Variants in SMARCA4 observed in about 807,000 individuals in gnomAD.
SMARCA4 encodes SWI/SNF related BAF chromatin remodeling complex subunit ATPase 4.
A neutral mutation model predicts 193.9 loss-of-function variants in SMARCA4; 31 were observed. The observed-to-expected ratio is 0.16, with a 90% confidence interval of 0.12 to 0.22. The LOEUF (loss-of-function observed/expected upper bound fraction) is 0.22. Among genes scored for constraint, SMARCA4 ranks in the 10% least tolerant of loss-of-function variants. The pLI, the probability that SMARCA4 is intolerant of heterozygous loss-of-function variation, is 1.00. For synonymous variants in SMARCA4, 942 were observed against 933.1 expected (o/e 1.01, Z -0.17); for missense variants, 1,148 against 2,296.0 (o/e 0.50, Z 10.22).
chr19:10,988,047 C>T, intron 6 of SMARCA4, 123 bp downstream of exon 6: 2 of 957,398 alleles, frequency 2.1e-6, no homozygotes, highest in East Asian at 2.6e-5. Context: ...TGCCACTTGG[C>T]CTACACCTCC....
In SMARCA4 at chr19:11,034,437, C is replaced by T. The variant is rs1232266519; in HGVS notation, c.3951+237C>T. Among the ~76,000 whole-genome samples the T allele has an allele frequency of 6.6e-6, 1 of 152,140 alleles. No individual in the cohort carries two copies. The highest frequency in any genetic ancestry group is 1.9e-4 in the East Asian group (1 of 5,180). On this transcript the variant is annotated intron_variant, in intron 28 of 34. Transcript: ENST00000344626. The surrounding 1 kb of genome is among the most constrained non-coding windows in gnomAD (Gnocchi z 7.0). ...CTTCTGCATGTGACCCGAGACCTGC[C>T]CCACCAGCTCTGTTTTCTAACGGGC...
chr19:11,019,443 C>T lies in SMARCA4; in HGVS notation c.2506-148C>T, dbSNP rs1161108959. 9.1e-6 allele frequency: 6 copies of T among 658,306 alleles called. No homozygotes were observed. The highest frequency in any genetic ancestry group is 3.8e-4 in the Middle Eastern group (1 of 2,610). The allele number at this position is 658,306 out of a possible 1,614,324, so 40.8% of individuals were successfully genotyped here. A position where few individuals can be genotyped will look rare whatever the true frequency, so the allele number is the denominator to read the frequency against. ...GTGGTGAGGTCTGGGGACGCGCCAG[C>T]GGCCCTGCCAGCCCCTTTCCCCACT... On this transcript the variant is annotated intron_variant, in intron 17 of 34. Transcript: ENST00000344626. The surrounding 1 kb of genome is among the most constrained non-coding windows in gnomAD (Gnocchi z 6.1).
intron 11 of SMARCA4, 26 bp from the exon 12 acceptor site, chr19:11,003,003 G>T: frequency 6.2e-7 from 1 of 1,613,824 alleles, no homozygotes; most frequent in African/African-American, 1.3e-5. Context: ...TGCAACCTCA[G>T]TGTCACACGA....
In SMARCA4 at chr19:11,019,296, A is replaced by G; in HGVS notation, c.2505+273A>G. On this transcript the variant is annotated intron_variant, in intron 17 of 34. Transcript: ENST00000344626. This position sits in a 1 kb window ranked among gnomAD's most constrained non-coding sequence, Gnocchi z 6.1. ...CAGGCGCCTGAGATGGGGACCCAGG[A>G]AGAGGGGAGCCTGTCAGCCACCAGG... is the stretch of plus-strand genomic sequence containing the variant. 1.6e-6 allele frequency: 1 copy of G among 606,876 alleles called. No homozygotes were observed. The highest frequency in any genetic ancestry group is 2.9e-6 in the Non-Finnish European group (1 of 339,770). 37.6% of individuals were successfully genotyped at this position (606,876 alleles called of 1,614,324 possible).
At chr19:11,005,511 G>A (rs756089555) in intron 13 of SMARCA4, among the ~76,000 whole-genome samples, 48 of 152,124 alleles carry the variant, frequency 3.2e-4, no homozygotes, top group Non-Finnish European at 5.7e-4. Context: ...CCATTGTCGG[G>A]TTCTCCCTGG....
chr19:10,999,540 C>T (rs2087425173), intron 11 of SMARCA4, among the ~76,000 whole-genome samples: 2 of 151,974 alleles, frequency 1.3e-5, no homozygotes, highest in Non-Finnish European at 1.5e-5. Context: ...CACCTGTGGT[C>T]CCAGCTACTT....
chr19:10,986,157 C>A lies in SMARCA4; in HGVS notation c.356-32C>A, dbSNP rs11666942. ...TGTAAAAATCACAGACATATGCTGC[C>A]GAGTGACCAGTGGGCTGACCTTTCT... On this transcript the variant is annotated intron_variant, in intron 3 of 34. Transcript: ENST00000344626. This position sits in a 1 kb window ranked among gnomAD's most constrained non-coding sequence, Gnocchi z 6.7. 5 of 1,556,164 alleles carry A rather than the reference C, an allele frequency of 3.2e-6. No homozygotes were observed. Among genetic ancestry groups the A allele is most frequent in the Non-Finnish European group, 4.4e-6 (5 of 1,127,840 alleles).
In SMARCA4 at chr19:11,031,077, T is replaced by A; in HGVS notation, c.3546+184T>A. 6 of 655,622 alleles carry A rather than the reference T, an allele frequency of 9.2e-6. No individual in the cohort carries two copies. The highest frequency in any genetic ancestry group is 1.7e-5 in the Non-Finnish European group (6 of 363,278). 40.6% of individuals were successfully genotyped at this position (655,622 alleles called of 1,614,324 possible). A position where few individuals can be genotyped will look rare whatever the true frequency, so the allele number is the denominator to read the frequency against. On this transcript the variant is annotated intron_variant, in intron 25 of 34. Coordinates refer to ENST00000344626, the MANE Select transcript of SMARCA4 (RefSeq NM_003072.5). The surrounding 1 kb of genome is among the most constrained non-coding windows in gnomAD (Gnocchi z 4.3). ...GAGAAAAGAGGCGGGGTCCTCCTGT[T>A]TCCCAAAATACAAACAGCCTTTCCC...
chr19:11,008,966 T>TC, intron 14 of SMARCA4, among the ~76,000 whole-genome samples: 1 of 119,756 alleles, frequency 8.4e-6, no homozygotes, highest in South Asian at 3.2e-4. Flanking sequence ...AGAGGGAGAC[T>TC]CCATCTCAAA....
intron 19 of SMARCA4, 28 bp downstream of exon 19, chr19:11,021,995 G>A (rs1172543049): frequency 6.2e-7 from 1 of 1,611,354 alleles, no homozygotes; most frequent in Admixed American, 1.7e-5. Flanking sequence ...TGCCCATGCT[G>A]ACGGTTCCAG....
At chr19:11,006,242 C>A (rs1489004447) in intron 13 of SMARCA4, among the ~76,000 whole-genome samples, 1 of 152,196 alleles carries the variant, frequency 6.6e-6, no homozygotes, top group Non-Finnish European at 1.5e-5. Context: ...GAAATGCATT[C>A]TTGTCTATGT....
At position 11,025,403 on chromosome 19, in the gene SMARCA4, C is replaced by A. The variant is rs2146494910; in HGVS notation, c.3082-19C>A. ...AGGAGGGCAAGACCCCATTTGGGTC[C>A]CTCTCATCTGCCTTCCAGGGCAAAG... On this transcript the variant is annotated intron_variant, in intron 21 of 34. Coordinates refer to ENST00000344626, the MANE Select transcript of SMARCA4 (RefSeq NM_003072.5). 6.3e-7 allele frequency: 1 copy of A among 1,598,314 alleles called. No individual in the cohort carries two copies. Among genetic ancestry groups the A allele is most frequent in the Non-Finnish European group, 8.6e-7 (1 of 1,166,692 alleles).
At chr19:11,042,925 A>C (rs538498368) in intron 30 of SMARCA4, among the ~76,000 whole-genome samples, 2 of 152,326 alleles carry the variant, frequency 1.3e-5, no homozygotes, top group African/African-American at 4.8e-5. Flanking sequence ...CTGTGGACCA[A>C]GATTGCACCA....
chr19:11,058,454 A>G lies in SMARCA4; in HGVS notation c.4533+91A>G. 1.1e-6 allele frequency: 1 copy of G among 920,194 alleles called. No individual in the cohort carries two copies. Among genetic ancestry groups the G allele is most frequent in the Non-Finnish European group, 1.8e-6 (1 of 571,010 alleles). 57.0% of individuals were successfully genotyped at this position (920,194 alleles called of 1,614,324 possible). A position where few individuals can be genotyped will look rare whatever the true frequency, so the allele number is the denominator to read the frequency against. ...CATCTGAGAGCTGTGGTGTGTGGGC[A>G]GAATGACCAGAAACCACCTAGGCGG... On this transcript the variant is annotated intron_variant, in intron 31 of 34. Coordinates refer to ENST00000344626, the MANE Select transcript of SMARCA4 (RefSeq NM_003072.5). The surrounding 1 kb of genome is among the most constrained non-coding windows in gnomAD (Gnocchi z 5.8).
chr19:11,044,427 C>A (rs2075786552), intron 30 of SMARCA4, among the ~76,000 whole-genome samples: 1 of 152,116 alleles, frequency 6.6e-6, no homozygotes, highest in Non-Finnish European at 1.5e-5. Flanking sequence ...GTGAAAACTC[C>A]TCATAGATGA....
At chr19:10,964,900 C>T (rs910325248) in intron 1 of SMARCA4, among the ~76,000 whole-genome samples, 8 of 152,016 alleles carry the variant, frequency 5.3e-5, no homozygotes, top group African/African-American at 1.5e-4. Flanking sequence ...GGATTATAGG[C>T]GTGAGCCACC....
At chr19:10,973,487 G>A (rs1193613311) in intron 1 of SMARCA4, among the ~76,000 whole-genome samples, 1 of 151,258 alleles carries the variant, frequency 6.6e-6, no homozygotes, top group South Asian at 2.1e-4. Flanking sequence ...TGCAAGCTCC[G>A]CCTACCAGGT....
chr19:11,002,819 A>AAAG (rs1184784117), intron 11 of SMARCA4, among the ~76,000 whole-genome samples: 30 of 151,154 alleles, frequency 2.0e-4, no homozygotes, highest in Non-Finnish European at 2.4e-4. Flanking sequence ...AAAAAAAAAA[A>AAAG]AAGAAGAAAC....
In SMARCA4 at chr19:11,033,118, G is replaced by GGC; in HGVS notation, c.3547-170_3547-169dup. 1.5e-6 allele frequency: 1 copy of GGC among 681,638 alleles called. No homozygotes were observed. The highest frequency in any genetic ancestry group is 1.5e-5 in the South Asian group (1 of 65,364). 42.2% of individuals were successfully genotyped at this position (681,638 alleles called of 1,614,324 possible). Reference sequence around the variant, plus strand: ...AGTCCCCTTCCCCCGAGGGACACATGGCGGCCCAGGCTCCACCAGCTCTGT... The same window carrying GGC: ...AGTCCCCTTCCCCCGAGGGACACATGGCGCGGCCCAGGCTCCACCAGCTCTGT... On this transcript the variant is annotated intron_variant, in intron 25 of 34. Coordinates refer to ENST00000344626, the MANE Select transcript of SMARCA4 (RefSeq NM_003072.5). This position sits in a 1 kb window ranked among gnomAD's most constrained non-coding sequence, Gnocchi z 9.8.
Sources: gnomAD v4.1 joint callset for allele counts (sites outside exome capture counted in the v4.1 genomes callset) on GRCh38, gnomAD v4.1.1 for gene constraint, Gnocchi (gnomAD v3.1) non-coding constraint, MANE v1.5 for transcripts, NCBI Gene and HGNC (gene_info 2026-07-23, HGNC 2026-07-21) for gene names.